The following ARAP2 variants were observed in gnomAD, a reference collection of about 807,000 sequenced individuals.
ARAP2 encodes the protein arf-GAP with Rho-GAP domain, ANK repeat and PH domain-containing protein 2.
In ARAP2, 148 loss-of-function variants were observed where a neutral mutation model predicts 194.5. The ratio of observed to expected loss-of-function variants is 0.76; its 90% CI spans 0.67 to 0.87. ARAP2 has a LOEUF of 0.87. Among genes scored for constraint, ARAP2 ranks in the 40% least tolerant of loss-of-function variants. The pLI, the probability that ARAP2 is intolerant of heterozygous loss-of-function variation, is 0.00. For synonymous variants in ARAP2, 695 were observed against 683.5 expected, an observed-to-expected ratio of 1.02 and a Z score of -0.26; for missense variants, 2,128 against 1,989.7, an observed-to-expected ratio of 1.07 and a Z score of -1.32.
At chr4:36,217,323 C>G (rs960900701) in intron 2 of ARAP2, among the ~76,000 whole-genome samples, 2 of 152,164 alleles carry the variant, frequency 1.3e-5, no homozygotes, top group Non-Finnish European at 2.9e-5. Flanking sequence ...ACCAGCCTGG[C>G]CAACATGGAG....
intron 22 of ARAP2, among the ~76,000 whole-genome samples, chr4:36,123,758 G>A (rs1330569263): frequency 6.6e-6 from 1 of 151,802 alleles, no homozygotes; most frequent in Non-Finnish European, 1.5e-5. Flanking sequence ...AAATCCAAAT[G>A]TTTTTGCATG....
intron 6 of ARAP2, among the ~76,000 whole-genome samples, chr4:36,203,896 C>G (rs73129104): frequency 0.02 from 2,970 of 151,978 alleles, 93 homozygotes; most frequent in African/African-American, 0.068. Context: ...AAGAAATAGA[C>G]TCTACAGGAA....
chr4:36,198,634 G>A (rs1369105472), intron 6 of ARAP2, among the ~76,000 whole-genome samples: 1 of 152,252 alleles, frequency 6.6e-6, no homozygotes, highest in Admixed American at 6.5e-5. Context: ...GAGCTGGCAT[G>A]TCAGCACTTC....
At chr4:36,217,493 C>T (rs553901585) in intron 2 of ARAP2, among the ~76,000 whole-genome samples, 1 of 152,052 alleles carries the variant, frequency 6.6e-6, no homozygotes, top group South Asian at 2.1e-4. Flanking sequence ...TGCACTCCAG[C>T]CTGGGTGACA....
intron 16 of ARAP2, among the ~76,000 whole-genome samples, chr4:36,150,062 T>C (rs1730597229): frequency 6.6e-6 from 1 of 152,196 alleles, no homozygotes; most frequent in Non-Finnish European, 1.5e-5. Flanking sequence ...TAAACCATAG[T>C]AGATGTGAGT....
intron 19 of ARAP2, among the ~76,000 whole-genome samples, chr4:36,141,493 C>T (rs140279308): frequency 7.2e-4 from 109 of 151,762 alleles, no homozygotes; most frequent in African/African-American, 2.6e-3. Context: ...TCTAAAGACA[C>T]TCATGCTATG....
intron 3 of ARAP2, among the ~76,000 whole-genome samples, chr4:36,050,912 A>C (rs764132972): frequency 2.4e-4 from 36 of 152,250 alleles, no homozygotes; most frequent in Non-Finnish European, 4.7e-4. Context: ...AATCTGACTT[A>C]CAAACATGAG....
chr4:36,180,441 C>T (rs1487345499), intron 8 of ARAP2, among the ~76,000 whole-genome samples: 3 of 152,184 alleles, frequency 2.0e-5, no homozygotes, highest in Non-Finnish European at 4.4e-5. Context: ...ATTTTTCCAT[C>T]TACATAAACA....
chr4:36,229,596 G>C lies in ARAP2; in HGVS notation c.-110C>G. ...TTCCTCTATCAATTGTGACAGAAAAGTTTCTTAAAATGTTATTTTCTTCAC... is the reference window on the plus strand; with the variant it reads ...TTCCTCTATCAATTGTGACAGAAAACTTTCTTAAAATGTTATTTTCTTCAC... On this transcript the variant is annotated 5_prime_UTR_variant, in exon 2 of 33. Coordinates refer to ENST00000303965, the MANE Select transcript of ARAP2 (RefSeq NM_015230.4). 1.2e-6 allele frequency: 1 copy of C among 848,762 alleles called. No individual in the cohort carries two copies. Among genetic ancestry groups the C allele is most frequent in the South Asian group, 2.5e-5 (1 of 39,228 alleles). 52.6% of individuals were successfully genotyped at this position (848,762 alleles called of 1,614,324 possible).
intron 28 of ARAP2, among the ~76,000 whole-genome samples, chr4:36,085,572 A>T (rs927779418): frequency 6.6e-6 from 1 of 152,110 alleles, no homozygotes; most frequent in Non-Finnish European, 1.5e-5. Flanking sequence ...CAAGGATTAT[A>T]ATATTTAAGT....
chr4:36,162,312 T>C (rs1734284356), intron 11 of ARAP2, among the ~76,000 whole-genome samples: 1 of 152,166 alleles, frequency 6.6e-6, no homozygotes, highest in African/African-American at 2.4e-5. Context: ...AACTTGACTA[T>C]TGAAAAACTA....
Position 36,158,803 on chromosome 4 carries a change from T to C in ARAP2, c.2679A>G (p.Thr893=). The C allele has an allele frequency of 1.9e-6, 3 of 1,612,456 alleles. No individual in the cohort carries two copies. Among genetic ancestry groups the C allele is most frequent in the Non-Finnish European group, 2.5e-6 (3 of 1,179,306 alleles). Residue 893 remains threonine, a synonymous_variant, in exon 15 of 33, where the codon ACA becomes ACG. Transcript: ENST00000303965. ...CTTGATATAAAAAGTCACAGAGGAA[T>C]GTGGACTGGGAAGACTCTTGACTTA... The part of the protein sequence containing the change: ...GVLSQESSQS[T]FLCDFLYQAP...
chr4:36,032,828 C>T (rs574657219), intron 5 of ARAP2, among the ~76,000 whole-genome samples: 1 of 152,272 alleles, frequency 6.6e-6, no homozygotes, highest in South Asian at 2.1e-4. Context: ...CCTCCTCTTA[C>T]CCTCCACACT....
At chr4:36,014,622 G>A (rs190519020) in intron 8 of ARAP2, among the ~76,000 whole-genome samples, 78 of 152,140 alleles carry the variant, frequency 5.1e-4, no homozygotes, top group Non-Finnish European at 8.8e-4. Context: ...TTTTCTATAC[G>A]TCAGCAAGAA....
At chr4:36,113,713 C>A (rs1301093069) in intron 26 of ARAP2, among the ~76,000 whole-genome samples, 3 of 151,872 alleles carry the variant, frequency 2.0e-5, no homozygotes, top group Middle Eastern at 6.8e-3. Context: ...CATCCCTAGG[C>A]ATCTTGGAGA....
At chr4:36,082,124 A>T (rs140493872) in intron 30 of ARAP2, 127 bp downstream of exon 30, 2 of 843,822 alleles carry the variant, frequency 2.4e-6, no homozygotes, top group Non-Finnish European at 3.7e-6. Context: ...AGTCTTTACA[A>T]ACAACCCTAA....
intron 1 of ARAP2, among the ~76,000 whole-genome samples, chr4:36,233,968 C>T (rs1056045240): frequency 2.0e-5 from 3 of 152,210 alleles, no homozygotes; most frequent in African/African-American, 4.8e-5. Context: ...TAACAAAATA[C>T]GAATGCTCTT....
At chr4:36,080,157 A>C in intron 31 of ARAP2, 59 bp downstream of exon 31, 1 of 1,422,758 alleles carries the variant, frequency 7.0e-7, no homozygotes, top group South Asian at 1.2e-5. Flanking sequence ...CCATCACACT[A>C]ACATTTCCTG....
intron 11 of ARAP2, among the ~76,000 whole-genome samples, chr4:36,164,323 G>A (rs894594174): frequency 6.6e-6 from 1 of 151,956 alleles, no homozygotes; most frequent in Non-Finnish European, 1.5e-5. Context: ...CCTAAGCTGG[G>A]GTCCACTTCC....
Sources: allele counts gnomAD v4.1 joint callset (sites outside exome capture counted in the v4.1 genomes callset), GRCh38; gene constraint gnomAD v4.1.1; transcripts MANE v1.5; gene names NCBI Gene and HGNC (gene_info 2026-07-23, HGNC 2026-07-21).